ABAT: variants seen among roughly 807,000 people sequenced by gnomAD.
ABAT encodes the protein 4-aminobutyrate aminotransferase.
Under a neutral mutation model 64.6 loss-of-function variants are expected in ABAT, and 45 were observed. The ratio of observed to expected loss-of-function variants is 0.70; its 90% CI spans 0.55 to 0.89. The LOEUF is 0.89. Ranked by LOEUF, ABAT falls within the 40% of genes least tolerant of loss-of-function variation. ABAT has a pLI of 0.00. For missense variants in ABAT, 633 were observed against 658.4 expected, an observed-to-expected ratio of 0.96 and a Z score of 0.42; for synonymous variants, 297 against 250.5, an observed-to-expected ratio of 1.19 and a Z score of -1.75.
intron 2 of ABAT, among the ~76,000 whole-genome samples, chr16:8,744,969 T>C (rs559809523): frequency 6.6e-6 from 1 of 152,124 alleles, no homozygotes. Flanking sequence ...GTGCTGGACA[T>C]GTAGGTTGTT....
At chr16:8,761,662 T>G (rs1567308942) in intron 6 of ABAT, among the ~76,000 whole-genome samples, 1 of 152,178 alleles carries the variant, frequency 6.6e-6, no homozygotes. Flanking sequence ...CTCCACGGGC[T>G]AAAAGGTTTC....
chr16:8,679,533 A>G (rs1440796376), intron 1 of ABAT, among the ~76,000 whole-genome samples: 3 of 151,842 alleles, frequency 2.0e-5, no homozygotes, highest in African/African-American at 4.8e-5. Flanking sequence ...AGCCAAAAAA[A>G]AAAAAAAAGG....
chr16:8,707,336 A>T (rs2142057740), intron 1 of ABAT, among the ~76,000 whole-genome samples: 1 of 142,020 alleles, frequency 7.0e-6, no homozygotes, highest in Non-Finnish European at 1.5e-5. Context: ...ATAGGCACAC[A>T]CTACCATGCC....
intron 1 of ABAT, among the ~76,000 whole-genome samples, chr16:8,692,323 C>G (rs1436049330): frequency 6.6e-6 from 1 of 152,132 alleles, no homozygotes; most frequent in African/African-American, 2.4e-5. Context: ...CTGCAGTGAG[C>G]TGTGATCACA....
chr16:8,712,509 C>T (rs1366991965), intron 1 of ABAT, among the ~76,000 whole-genome samples: 1 of 152,128 alleles, frequency 6.6e-6, no homozygotes, highest in African/African-American at 2.4e-5. Flanking sequence ...CGCCGTGGCT[C>T]ACTGGTGAAT....
intron 1 of ABAT, among the ~76,000 whole-genome samples, chr16:8,694,469 T>C (rs1320478115): frequency 6.6e-6 from 1 of 152,062 alleles, no homozygotes; most frequent in African/African-American, 2.4e-5. Flanking sequence ...TGGCTCACAA[T>C]AGCCTTGAGC....
intron 1 of ABAT, among the ~76,000 whole-genome samples, chr16:8,729,700 C>A (rs369006500): frequency 6.6e-6 from 1 of 151,902 alleles, no homozygotes; most frequent in Non-Finnish European, 1.5e-5. Context: ...GTGGTGCATG[C>A]CTGTAGTCCC....
Position 8,766,116 on chromosome 16 carries a change from C to T in ABAT, c.541-92C>T, listed in dbSNP as rs995097574. ...TCCACTCCTGAGAAAGCACTTTCTA[C>T]TTGTCTGGACTGAATATCGGTTTGG... On this transcript the variant is annotated intron_variant, in intron 8 of 15. Transcript: ENST00000268251. The T allele has an allele frequency of 2.4e-6, 3 of 1,242,764 alleles. No individual in the cohort carries two copies. In the Admixed American group the frequency reaches 5.4e-5, roughly 22 times the overall value. The allele number at this position is 1,242,764 out of a possible 1,614,324, so 77.0% of individuals were successfully genotyped here.
In ABAT at chr16:8,748,224, T is replaced by C. The variant is rs1307054001; in HGVS notation, c.198+87T>C. On this transcript the variant is annotated intron_variant, in intron 4 of 15. Coordinates refer to ENST00000268251, the MANE Select transcript of ABAT (RefSeq NM_020686.6). ...AGATGCTTAATCTGTTCTGGCTCTT[T>C]TTTAAAAAAAATGTAGTTGACTTTT... 2.3e-6 allele frequency: 3 copies of C among 1,304,164 alleles called. No homozygotes were observed. The African/African-American group carries it at 4.4e-5, about 19-fold the overall frequency. 80.8% of individuals were successfully genotyped at this position (1,304,164 alleles called of 1,614,324 possible).
At chr16:8,769,698 G>A (rs1056777683) in intron 11 of ABAT, among the ~76,000 whole-genome samples, 5 of 152,046 alleles carry the variant, frequency 3.3e-5, no homozygotes, top group East Asian at 1.9e-4. Context: ...GCTGTGGGTC[G>A]GGGGATGCTA....
At chr16:8,708,701 A>G (rs568462580) in intron 1 of ABAT, among the ~76,000 whole-genome samples, 1 of 152,360 alleles carries the variant, frequency 6.6e-6, no homozygotes, top group South Asian at 2.1e-4. Flanking sequence ...TTCAGCATTC[A>G]TTGGCAAGAA....
chr16:8,721,292 T>G (rs2058363349), intron 1 of ABAT, among the ~76,000 whole-genome samples: 1 of 152,176 alleles, frequency 6.6e-6, no homozygotes, highest in Non-Finnish European at 1.5e-5. Context: ...CCATGGGATG[T>G]TTGACCTCCA....
chr16:8,741,603 G>A (rs2059163845), intron 2 of ABAT, among the ~76,000 whole-genome samples: 1 of 152,216 alleles, frequency 6.6e-6, no homozygotes, highest in Admixed American at 6.5e-5. Flanking sequence ...ATCTGCTTCT[G>A]TGTCTTCATA....
At chr16:8,755,501 C>G (rs1201249660) in intron 5 of ABAT, among the ~76,000 whole-genome samples, 1 of 152,212 alleles carries the variant, frequency 6.6e-6, no homozygotes, top group South Asian at 2.1e-4. Flanking sequence ...GAGTTCTTTT[C>G]TCAGAGAGAG....
intron 1 of ABAT, among the ~76,000 whole-genome samples, chr16:8,697,408 G>T (rs1400093711): frequency 6.6e-6 from 1 of 152,132 alleles, no homozygotes; most frequent in African/African-American, 2.4e-5. Context: ...ACCTCGATGG[G>T]ATCAGAGAGA....
intron 1 of ABAT, among the ~76,000 whole-genome samples, chr16:8,724,772 A>G (rs1053813577): frequency 1.5e-5 from 2 of 133,486 alleles, no homozygotes; most frequent in African/African-American, 5.3e-5. Context: ...AAAAAAAACA[A>G]TGGCAATCTT....
intron 1 of ABAT, among the ~76,000 whole-genome samples, chr16:8,726,760 A>G (rs141058137): frequency 0.078 from 11,930 of 152,196 alleles, 711 homozygotes; most frequent in Non-Finnish European, 0.11. Flanking sequence ...TTTTTGAGGA[A>G]CCTCCAACTG....
intron 1 of ABAT, among the ~76,000 whole-genome samples, chr16:8,682,122 G>C (rs1437931612): frequency 1.3e-5 from 2 of 151,462 alleles, no homozygotes; most frequent in South Asian, 4.2e-4. Context: ...GAGAATCACC[G>C]GTTAGAGGCT....
rs772989994 is a variant in ABAT at position 8,774,997 on chromosome 16, C to T, written c.1062C>T (p.Thr354=). 6.8e-6 allele frequency: 11 copies of T among 1,614,100 alleles called. No individual in the cohort carries two copies. The highest frequency in any genetic ancestry group is 3.3e-5 in the South Asian group (3 of 91,086). Residue 354 remains threonine, a synonymous_variant, in exon 13 of 16, where the codon ACC becomes ACT. Transcript: ENST00000268251. The part of the protein sequence containing the change: ...WGLDDPADVM[T]FSKKMMTGGF... ...TGGATGACCCAGCAGACGTGATGAC[C>T]TTCAGCAAGAAGATGATGACTGGGG...
Sources: allele counts gnomAD v4.1 joint callset (sites outside exome capture counted in the v4.1 genomes callset), GRCh38; gene constraint gnomAD v4.1.1; transcripts MANE v1.5; gene names NCBI Gene and HGNC (gene_info 2026-07-23, HGNC 2026-07-21).